Variants in PAX7 observed in about 807,000 individuals in gnomAD.
PAX7 encodes paired box 7.
In PAX7, 18 loss-of-function variants were observed where a neutral mutation model predicts 50.7. The ratio of observed to expected loss-of-function variants is 0.36; its 90% CI spans 0.25 to 0.53. PAX7 has a LOEUF of 0.53. PAX7 is among the 20% of genes least tolerant of loss of function. The probability of loss-of-function intolerance (pLI) is 0.93; values close to 1 mark genes in which losing one functional copy is unlikely to be tolerated. For missense variants in PAX7, 644 were observed against 702.9 expected, an observed-to-expected ratio of 0.92 and a Z score of 0.95; for synonymous variants, 310 against 290.4, an observed-to-expected ratio of 1.07 and a Z score of -0.69.
At chr1:18,657,141 A>T (rs957189772) in intron 4 of PAX7, among the ~76,000 whole-genome samples, 1 of 152,052 alleles carries the variant, frequency 6.6e-6, no homozygotes, top group African/African-American at 2.4e-5. Context: ...ACCCCACCTT[A>T]CCAGGCAGCG....
At chr1:18,698,432 C>T (rs1395642600) in intron 5 of PAX7, among the ~76,000 whole-genome samples, 1 of 152,136 alleles carries the variant, frequency 6.6e-6, no homozygotes, top group East Asian at 1.9e-4. Flanking sequence ...TGCATTAGCA[C>T]CAAACTGAGA....
At chr1:18,695,705 C>CAT (rs2089141727) in intron 5 of PAX7, among the ~76,000 whole-genome samples, 1 of 152,196 alleles carries the variant, frequency 6.6e-6, no homozygotes, top group African/African-American at 2.4e-5. Flanking sequence ...TGGAGTGATA[C>CAT]ATATATCTTC....
chr1:18,707,411 CTTTCTTTTTTTTTT>C (rs1236019882), intron 7 of PAX7, among the ~76,000 whole-genome samples: 3 of 91,218 alleles, frequency 3.3e-5, no homozygotes. Context: ...TTCTTTTTTT[CTTTCTTTTTTTTTT>C]TTTTTTTTTT....
Position 18,634,639 on chromosome 1 carries a change from G to A in PAX7, c.321+101G>A, listed in dbSNP as rs1428324459. 1.9e-5 allele frequency: 17 copies of A among 899,600 alleles called. No individual in the cohort carries two copies. Among genetic ancestry groups the A allele is most frequent in the Non-Finnish European group, 2.8e-5 (16 of 576,336 alleles). The allele number at this position is 899,600 out of a possible 1,614,324, so 55.7% of individuals were successfully genotyped here. A position where few individuals can be genotyped will look rare whatever the true frequency, so the allele number is the denominator to read the frequency against. On this transcript the variant is annotated intron_variant, in intron 2 of 8. Coordinates refer to ENST00000420770, the MANE Select transcript of PAX7 (RefSeq NM_001135254.2). The surrounding 1 kb of genome is among the most constrained non-coding windows in gnomAD (Gnocchi z 4.0). ...CCTCGTGGCACCAGGCTGTAGGAAA[G>A]TACAGCTGGAGGGTGTCTTCTACTC...
At chr1:18,731,962 C>T (rs755266386) in intron 7 of PAX7, among the ~76,000 whole-genome samples, 1 of 152,162 alleles carries the variant, frequency 6.6e-6, no homozygotes, top group Non-Finnish European at 1.5e-5. Context: ...TTTTACTCTC[C>T]GCCTTCACCT....
At chr1:18,646,895 G>A (rs952393365) in intron 4 of PAX7, among the ~76,000 whole-genome samples, 1 of 148,354 alleles carries the variant, frequency 6.7e-6, no homozygotes, top group Admixed American at 6.6e-5. Context: ...GGCGCGGCGC[G>A]GGGGGAGCGG....
chr1:18,705,608 A>G (rs1337736554), intron 7 of PAX7, among the ~76,000 whole-genome samples: 2 of 152,192 alleles, frequency 1.3e-5, no homozygotes, highest in Non-Finnish European at 2.9e-5. Context: ...AGGACAAAAG[A>G]GAGACTTAGC....
chr1:18,666,912 A>G (rs2088677290), intron 4 of PAX7, among the ~76,000 whole-genome samples: 1 of 152,206 alleles, frequency 6.6e-6, no homozygotes, highest in Non-Finnish European at 1.5e-5. Flanking sequence ...GGAAAAATTC[A>G]GACTGCTTGG....
chr1:18,741,239 G>T lies in PAX7; in HGVS notation c.1403-3575G>T, dbSNP rs9439686. Among the ~76,000 whole-genome samples the T allele has an allele frequency of 5.6e-3, 850 of 152,080 alleles. 10 individuals carry two copies. The highest frequency in any genetic ancestry group is 0.02 in the African/African-American group (817 of 41,490). On this transcript the variant is annotated intron_variant, in intron 8 of 8. Coordinates refer to ENST00000420770, the MANE Select transcript of PAX7 (RefSeq NM_001135254.2). ...CAAAGTGGGCAGATCACCTGAGGTC[G>T]GGAGTTTGAGACCAGCCTGGCCAAC...
chr1:18,682,266 C>T (rs968257891), intron 4 of PAX7, among the ~76,000 whole-genome samples: 2 of 152,066 alleles, frequency 1.3e-5, no homozygotes, highest in Non-Finnish European at 2.9e-5. Flanking sequence ...ATATTTGGAT[C>T]CTCACATTGC....
At chr1:18,723,150 C>T (rs1339206134) in intron 7 of PAX7, among the ~76,000 whole-genome samples, 1 of 152,166 alleles carries the variant, frequency 6.6e-6, no homozygotes, top group Non-Finnish European at 1.5e-5. Context: ...CCTTGATGCT[C>T]TCTAAGGAAT....
Position 18,710,732 on chromosome 1 carries a change from C to G in PAX7, c.1155+7436C>G, listed in dbSNP as rs546432460. 4.5e-4 allele frequency among the ~76,000 whole-genome samples: 68 copies of G among 151,254 alleles called. 1 individual carries two copies. Among genetic ancestry groups the G allele is most frequent in the East Asian group, 2.9e-3 (15 of 5,146 alleles). ...ATGCTGCGTTTGTCCACAATTACCC[C>G]CTCCTTCACACATATTTTATTGCAA... On this transcript the variant is annotated intron_variant, in intron 7 of 8. Coordinates refer to ENST00000420770, the MANE Select transcript of PAX7 (RefSeq NM_001135254.2).
rs753919819 is a variant in PAX7, at chr1:18,634,368, C to T, written c.151C>T (p.Leu51=). ...LGGVFINGRP[L]PNHIRHKIVE... ...AGGGGTCTTCATCAATGGGCGACCCCTGCCTAACCACATCCGCCACAAGAT... is the reference window on the plus strand; with the variant it reads ...AGGGGTCTTCATCAATGGGCGACCCTTGCCTAACCACATCCGCCACAAGAT... Residue 51 remains leucine, a synonymous_variant, in exon 2 of 9, where the codon CTG becomes TTG. Transcript: ENST00000420770. The surrounding 1 kb of genome is among the most constrained non-coding windows in gnomAD (Gnocchi z 4.0). The T allele has an allele frequency of 1.1e-5, 17 of 1,614,108 alleles. No homozygotes were observed. The highest frequency in any genetic ancestry group is 2.2e-5 in the South Asian group (2 of 91,070).
At chr1:18,716,958 G>C (rs1435457729) in intron 7 of PAX7, among the ~76,000 whole-genome samples, 1 of 122,760 alleles carries the variant, frequency 8.1e-6, no homozygotes, top group Non-Finnish European at 1.7e-5. Flanking sequence ...GCGGACCCAA[G>C]TCCAGGGCGG....
chr1:18,700,370 A>G lies in PAX7; in HGVS notation c.787-283A>G, dbSNP rs1403511133. On this transcript the variant is annotated intron_variant, in intron 5 of 8. Transcript: ENST00000420770. This position sits in a 1 kb window ranked among gnomAD's most constrained non-coding sequence, Gnocchi z 4.8. ...CAGGACTGGCTGGACCACTGACTCAACCTGGCCCATGGACAAGTCACCCAC... is the reference window on the plus strand; with the variant it reads ...CAGGACTGGCTGGACCACTGACTCAGCCTGGCCCATGGACAAGTCACCCAC... 6.6e-6 allele frequency among the ~76,000 whole-genome samples: 1 copy of G among 152,078 alleles called. No homozygotes were observed. Among genetic ancestry groups the G allele is most frequent in the Non-Finnish European group, 1.5e-5 (1 of 68,010 alleles).
intron 5 of PAX7, among the ~76,000 whole-genome samples, chr1:18,699,246 T>A (rs990078291): frequency 6.6e-6 from 1 of 152,030 alleles, no homozygotes; most frequent in Non-Finnish European, 1.5e-5. Flanking sequence ...AAGAAACAGA[T>A]ATATAGAATC....
chr1:18,691,669 T>C (rs1462970422), intron 4 of PAX7, 85 bp from the exon 5 acceptor site: 1 of 1,219,602 alleles, frequency 8.2e-7, no homozygotes, highest in Admixed American at 2.0e-5. Flanking sequence ...TGGGCACGAG[T>C]GTGCCTTGTG....
intron 4 of PAX7, among the ~76,000 whole-genome samples, chr1:18,645,328 A>C (rs562512726): frequency 1.3e-5 from 2 of 152,016 alleles, no homozygotes. Context: ...CCTTCACTGC[A>C]CTCTTTGTCT....
At chr1:18,655,006 G>A (rs1395485058) in intron 4 of PAX7, among the ~76,000 whole-genome samples, 4 of 152,186 alleles carry the variant, frequency 2.6e-5, no homozygotes, top group African/African-American at 9.7e-5. Context: ...CAATGCCACC[G>A]TGATATTAGT....
Sources: allele counts gnomAD v4.1 joint callset (sites outside exome capture counted in the v4.1 genomes callset), GRCh38; gene constraint gnomAD v4.1.1; non-coding constraint Gnocchi (gnomAD v3.1); transcripts MANE v1.5; gene names NCBI Gene and HGNC (gene_info 2026-07-23, HGNC 2026-07-21).